WWP2: variants seen among roughly 807,000 people sequenced by gnomAD.
WWP2 encodes the protein NEDD4-like E3 ubiquitin-protein ligase WWP2.
A neutral mutation model predicts 121.0 loss-of-function variants in WWP2; 57 were observed. The ratio of observed to expected loss-of-function variants is 0.47; its 90% CI spans 0.38 to 0.59. The LOEUF (loss-of-function observed/expected upper bound fraction) is 0.59. WWP2 is among the 20% of genes least tolerant of loss of function. WWP2 has a pLI of 0.00. For synonymous variants in WWP2, 449 were observed against 441.3 expected (o/e 1.02, Z -0.22); for missense variants, 962 against 1,158.9 (o/e 0.83, Z 2.47).
At position 69,809,130 on chromosome 16, in the gene WWP2, G is replaced by A. The variant is rs564044292; in HGVS notation, c.340+9835G>A. Among the ~76,000 whole-genome samples the A allele has an allele frequency of 1.1e-4, 16 of 152,354 alleles. No homozygotes were observed. The South Asian group carries it at 2.9e-3, about 28-fold the overall frequency. On this transcript the variant is annotated intron_variant, in intron 4 of 23. Coordinates refer to ENST00000359154, the MANE Select transcript of WWP2 (RefSeq NM_001270454.2). ...CTGTTGCTGGCACCAGCCGTAGCAC[G>A]TTGTGCATGTGGCTGGGTTGGGTAG...
intron 10 of WWP2, among the ~76,000 whole-genome samples, chr16:69,922,188 G>A (rs1040411570): frequency 2.0e-5 from 3 of 151,304 alleles, no homozygotes; most frequent in African/African-American, 7.3e-5. Context: ...TCTGCAATGA[G>A]CCCCTTGCAT....
chr16:69,765,203 A>AAAAAAG (rs371366510), intron 1 of WWP2, among the ~76,000 whole-genome samples: 1 of 152,146 alleles, frequency 6.6e-6, no homozygotes, highest in Non-Finnish European at 1.5e-5. Flanking sequence ...CCTGTCTCAA[A>AAAAAAG]AAAAAGAAAA....
chr16:69,776,660 C>T (rs1263183953), intron 1 of WWP2, among the ~76,000 whole-genome samples: 1 of 152,048 alleles, frequency 6.6e-6, no homozygotes, highest in Non-Finnish European at 1.5e-5. Flanking sequence ...AACCCCGTCT[C>T]TACTAAAAAT....
intron 4 of WWP2, among the ~76,000 whole-genome samples, chr16:69,808,141 A>G (rs1330297709): frequency 3.3e-5 from 5 of 152,158 alleles, no homozygotes; most frequent in East Asian, 1.9e-4. Flanking sequence ...TTCTATCACT[A>G]TTGTTCAGCT....
intron 10 of WWP2, among the ~76,000 whole-genome samples, chr16:69,923,000 CT>C (rs1436650799): frequency 6.6e-6 from 1 of 152,062 alleles, no homozygotes; most frequent in Non-Finnish European, 1.5e-5. Context: ...AGCGATTATC[CT>C]GCCTCAGCCT....
intron 1 of WWP2, among the ~76,000 whole-genome samples, chr16:69,769,363 C>G (rs1597635192): frequency 6.6e-6 from 1 of 150,402 alleles, no homozygotes; most frequent in South Asian, 2.1e-4. Flanking sequence ...AGGTTTATCT[C>G]TAGTTAGAAA....
intron 6 of WWP2, among the ~76,000 whole-genome samples, chr16:69,859,878 C>T (rs575740608): frequency 6.0e-5 from 9 of 151,100 alleles, no homozygotes; most frequent in African/African-American, 2.2e-4. Flanking sequence ...CACCCCCGCC[C>T]CGCCCGATGA....
At chr16:69,785,611 G>A (rs1217567658) in intron 1 of WWP2, among the ~76,000 whole-genome samples, 1 of 151,378 alleles carries the variant, frequency 6.6e-6, no homozygotes, top group Non-Finnish European at 1.5e-5. Flanking sequence ...ACCTCATGGC[G>A]AATGATGCTG....
At chr16:69,934,467 G>T (rs2058765714) in intron 17 of WWP2, among the ~76,000 whole-genome samples, 1 of 151,572 alleles carries the variant, frequency 6.6e-6, no homozygotes, top group South Asian at 2.1e-4. Flanking sequence ...CTTTGTACAG[G>T]ACTTGTCAAG....
At chr16:69,909,506 C>A (rs747119186) in intron 9 of WWP2, 15 of 985,324 alleles carry the variant, frequency 1.5e-5, no homozygotes, top group Non-Finnish European at 1.8e-5. Flanking sequence ...ACACATCCCA[C>A]CTCATCTTCT....
chr16:69,803,955 C>G (rs2056224855), intron 4 of WWP2, among the ~76,000 whole-genome samples: 1 of 151,926 alleles, frequency 6.6e-6, no homozygotes, highest in Non-Finnish European at 1.5e-5. Flanking sequence ...CAGCCTCCAC[C>G]CTACTTTTTA....
At chr16:69,828,808 C>T (rs952280803) in intron 4 of WWP2, among the ~76,000 whole-genome samples, 46 of 152,276 alleles carry the variant, frequency 3.0e-4, no homozygotes, top group Middle Eastern at 6.8e-3. Flanking sequence ...TTATTCCATC[C>T]TCTTCTTCCA....
At chr16:69,826,267 CA>C (rs71151139) in intron 4 of WWP2, among the ~76,000 whole-genome samples, 112,572 of 133,362 alleles carry the variant, frequency 0.84, 47,444 homozygotes, top group Admixed American at 0.9. Context: ...AACTCCGTCT[CA>C]AAAAAAAAAA....
At chr16:69,884,831 A>T (rs2057894913) in intron 7 of WWP2, among the ~76,000 whole-genome samples, 1 of 152,234 alleles carries the variant, frequency 6.6e-6, no homozygotes, top group Non-Finnish European at 1.5e-5. Context: ...AACCTCCAGG[A>T]AGCCAAATAG....
rs763751216 is a variant in WWP2, at chr16:69,931,144, CT to C, written c.1446-6del. ...GCATGAACCCCTGAACATCTTTGCT[CT>C]TCCTAGGACGAAGCAAGGTTCCCCT... On this transcript the variant is annotated splice_polypyrimidine_tract_variant and splice_region_variant and intron_variant, in intron 13 of 23. Coordinates refer to ENST00000359154, the MANE Select transcript of WWP2 (RefSeq NM_001270454.2). 102 of 1,613,530 alleles carry C rather than the reference CT, an allele frequency of 6.3e-5. No homozygotes were observed. Among genetic ancestry groups the C allele is most frequent in the Non-Finnish European group, 8.3e-5 (98 of 1,179,662 alleles).
intron 5 of WWP2, among the ~76,000 whole-genome samples, chr16:69,841,119 C>A (rs548941000): frequency 7.9e-5 from 12 of 152,348 alleles, no homozygotes; most frequent in African/African-American, 2.9e-4. Flanking sequence ...AGGTCTTAGA[C>A]CAGGCCCTAG....
At chr16:69,835,055 C>G (rs1266673648) in intron 4 of WWP2, among the ~76,000 whole-genome samples, 1 of 152,092 alleles carries the variant, frequency 6.6e-6, no homozygotes, top group East Asian at 1.9e-4. Context: ...TTGAGGGGAG[C>G]TTGTGAGCTT....
At chr16:69,857,943 C>T (rs1378073756) in intron 6 of WWP2, among the ~76,000 whole-genome samples, 5 of 151,934 alleles carry the variant, frequency 3.3e-5, no homozygotes, top group Admixed American at 6.6e-5. Context: ...CTACCGCATC[C>T]GGCCTAACAG....
intron 8 of WWP2, among the ~76,000 whole-genome samples, chr16:69,906,056 T>A (rs1452952939): frequency 6.6e-6 from 1 of 152,028 alleles, no homozygotes; most frequent in Non-Finnish European, 1.5e-5. Context: ...TCTGTTTCTT[T>A]TTCTTTCCTT....
Sources: allele counts gnomAD v4.1 joint callset (sites outside exome capture counted in the v4.1 genomes callset), GRCh38; gene constraint gnomAD v4.1.1; transcripts MANE v1.5; gene names NCBI Gene and HGNC (gene_info 2026-07-23, HGNC 2026-07-21).